Variants in PPM1E observed in about 807,000 individuals in gnomAD.
PPM1E encodes the protein protein phosphatase, Mg2+/Mn2+ dependent 1E, also known as protein phosphatase 1E.
PPM1E carries 20 observed loss-of-function variants against 65.9 expected under a neutral mutation model. The ratio of observed to expected loss-of-function variants is 0.30; its 90% CI spans 0.21 to 0.44. The LOEUF is 0.44. Among genes scored for constraint, PPM1E ranks in the 20% least tolerant of loss-of-function variants. The probability of loss-of-function intolerance (pLI) is 1.00; values close to 1 mark genes in which losing one functional copy is unlikely to be tolerated. For missense variants in PPM1E, 713 were observed against 953.1 expected (o/e 0.75, Z 3.32); for synonymous variants, 352 against 374.9 (o/e 0.94, Z 0.70).
intron 1 of PPM1E, among the ~76,000 whole-genome samples, chr17:58,876,465 G>A (rs2051127813): frequency 6.6e-6 from 1 of 152,064 alleles, no homozygotes. Context: ...ATCTGAGAGT[G>A]ATAATTTGAA....
rs1598721411 is a variant in PPM1E at position 58,981,375 on chromosome 17, C to G, written c.*344C>G. On this transcript the variant is annotated 3_prime_UTR_variant, in exon 7 of 7. Transcript: ENST00000308249. ...AAGCTTTCAAGTTAGTTATTTCAGT[C>G]AGGATATACAGTGTTGAAATCTCAA... 1 of 199,688 alleles carries G rather than the reference C, an allele frequency of 5.0e-6. No individual in the cohort carries two copies. Among genetic ancestry groups the G allele is most frequent in the African/African-American group, 2.3e-5 (1 of 42,822 alleles). The allele number at this position is 199,688 out of a possible 1,614,324, so 12.4% of individuals were successfully genotyped here.
At chr17:58,923,188 G>A (rs2051775761) in intron 1 of PPM1E, among the ~76,000 whole-genome samples, 2 of 148,656 alleles carry the variant, frequency 1.3e-5, no homozygotes, top group Non-Finnish European at 3.0e-5. Flanking sequence ...ATGAGGCTGA[G>A]ATGGAAGGAT....
intron 1 of PPM1E, among the ~76,000 whole-genome samples, chr17:58,813,526 T>A (rs1369339227): frequency 6.6e-6 from 1 of 152,210 alleles, no homozygotes; most frequent in South Asian, 2.1e-4. Context: ...CTGTAATTCT[T>A]GCCAAGATAG....
At chr17:58,839,272 C>G in intron 1 of PPM1E, among the ~76,000 whole-genome samples, 1 of 152,076 alleles carries the variant, frequency 6.6e-6, no homozygotes, top group East Asian at 1.9e-4. Context: ...GAGTTCAAGT[C>G]CAGCTTGGGA....
chr17:58,931,066 T>TAAA (rs774968022), intron 1 of PPM1E, among the ~76,000 whole-genome samples: 6 of 83,140 alleles, frequency 7.2e-5, no homozygotes, highest in Middle Eastern at 7.7e-3. Context: ...ATACAAAAAT[T>TAAA]AAAAAAAAAA....
chr17:58,839,286 G>C (rs1598603561), intron 1 of PPM1E, among the ~76,000 whole-genome samples: 2 of 151,888 alleles, frequency 1.3e-5, no homozygotes, highest in Non-Finnish European at 2.9e-5. Flanking sequence ...CTTGGGACTT[G>C]AGTTCAAGTC....
At chr17:58,816,772 ATATATATATATATATATATATAT>A (rs1283494248) in intron 1 of PPM1E, among the ~76,000 whole-genome samples, 766 of 17,998 alleles carry the variant, frequency 0.043, 54 homozygotes, top group African/African-American at 0.13. Flanking sequence ...ATATATATAT[ATATATATATATATATATATATAT>A]TTTTTTTTTT....
intron 1 of PPM1E, among the ~76,000 whole-genome samples, chr17:58,822,109 G>C (rs2050485994): frequency 1.3e-5 from 2 of 152,140 alleles, no homozygotes. Flanking sequence ...AGCCCAGAGA[G>C]TGATGAGGAT....
intron 1 of PPM1E, among the ~76,000 whole-genome samples, chr17:58,845,305 T>A (rs1208786124): frequency 6.6e-6 from 1 of 152,010 alleles, no homozygotes; most frequent in Non-Finnish European, 1.5e-5. Flanking sequence ...GTTGGTTTTT[T>A]TTTTTTTTCA....
At chr17:58,930,248 T>TACACACACACACACACAC in intron 1 of PPM1E, among the ~76,000 whole-genome samples, 2 of 142,190 alleles carry the variant, frequency 1.4e-5, no homozygotes, top group African/African-American at 5.2e-5. Context: ...ATTAAATGTA[T>TACACACACACACACACAC]ATACACACAC....
chr17:58,958,677 G>A (rs1380699842), intron 2 of PPM1E, among the ~76,000 whole-genome samples: 8 of 151,600 alleles, frequency 5.3e-5, no homozygotes, highest in Non-Finnish European at 7.4e-5. Context: ...GAAAATTATC[G>A]AGGGACAGTC....
rs1404033979 is a variant in PPM1E, at chr17:58,879,665, C to CGTGG, written c.465-75983_465-75982insTGGG. On this transcript the variant is annotated intron_variant, in intron 1 of 6. Transcript: ENST00000308249. ...CCGGGACTACAGGCGCCCACCACCA[C>CGTGG]GCCTGGCTAATTTTTTTGTATTTTT... is the stretch of plus-strand genomic sequence containing the variant. Among the ~76,000 whole-genome samples, 3 of 151,972 alleles carry CGTGG rather than the reference C, an allele frequency of 2.0e-5. No homozygotes were observed. In the East Asian group the frequency reaches 5.8e-4, roughly 29 times the overall value.
intron 1 of PPM1E, among the ~76,000 whole-genome samples, chr17:58,758,549 T>C (rs1401509143): frequency 6.6e-6 from 1 of 151,458 alleles, no homozygotes; most frequent in African/African-American, 2.4e-5. Flanking sequence ...AAAAGATTAA[T>C]TTTGATATAG....
chr17:58,784,785 A>G (rs2050083268), intron 1 of PPM1E, among the ~76,000 whole-genome samples: 2 of 152,074 alleles, frequency 1.3e-5, no homozygotes, highest in Non-Finnish European at 2.9e-5. Context: ...AGCCTCCCAA[A>G]GTGCTGGGAT....
intron 1 of PPM1E, among the ~76,000 whole-genome samples, chr17:58,779,003 G>C (rs1269661305): frequency 7.0e-6 from 1 of 141,882 alleles, no homozygotes; most frequent in African/African-American, 2.6e-5. Context: ...ACTTTCAAGT[G>C]AGCACTTTTT....
intron 1 of PPM1E, among the ~76,000 whole-genome samples, chr17:58,757,825 G>GT (rs1187196741): frequency 6.6e-6 from 1 of 151,920 alleles, no homozygotes; most frequent in African/African-American, 2.4e-5. Context: ...CAGTATTACC[G>GT]TCAATTAGCA....
At chr17:58,880,955 C>T (rs564469385) in intron 1 of PPM1E, among the ~76,000 whole-genome samples, 1 of 152,028 alleles carries the variant, frequency 6.6e-6, no homozygotes, top group Non-Finnish European at 1.5e-5. Context: ...ATGCAATATT[C>T]ATTTCCTGTA....
rs148787546 is a variant in PPM1E at position 58,945,712 on chromosome 17, T to C, written c.465-9937T>C. Among the ~76,000 whole-genome samples the C allele has an allele frequency of 1.2e-3, 183 of 152,310 alleles. 1 individual carries two copies. Among genetic ancestry groups the C allele is most frequent in the African/African-American group, 4.2e-3 (174 of 41,564 alleles). On this transcript the variant is annotated intron_variant, in intron 1 of 6. Transcript: ENST00000308249. ...TTCTCCGAAGTTAAATAATTTGCTA[T>C]AATGTCTTACAAAATTCAGGGAAAC...
chr17:58,924,247 A>AAAGG (rs200151254), intron 1 of PPM1E, among the ~76,000 whole-genome samples: 17 of 151,856 alleles, frequency 1.1e-4, no homozygotes, highest in Non-Finnish European at 2.1e-4. Context: ...AAAAAGAAAA[A>AAAGG]AAGGAAGGAA....
Sources: gnomAD v4.1 joint callset for allele counts (sites outside exome capture counted in the v4.1 genomes callset) on GRCh38, gnomAD v4.1.1 for gene constraint, MANE v1.5 for transcripts, NCBI Gene and HGNC (gene_info 2026-07-23, HGNC 2026-07-21) for gene names.